Variants in SCMH1 observed in about 807,000 individuals in gnomAD.
The protein encoded by SCMH1 is polycomb protein SCMH1.
A neutral mutation model predicts 70.8 loss-of-function variants in SCMH1; 37 were observed. That is an observed-to-expected ratio of 0.52 (90% CI 0.40 to 0.69). SCMH1 has a LOEUF of 0.69. SCMH1 is among the 30% of genes least tolerant of loss of function. The pLI is 0.00. For missense variants in SCMH1, 607 were observed against 827.3 expected (o/e 0.73, Z 3.27); for synonymous variants, 292 against 307.4 (o/e 0.95, Z 0.52).
Position 41,141,374 on chromosome 1 carries a change from G to C in SCMH1, c.412+1504C>G, listed in dbSNP as rs891836278. On this transcript the variant is annotated intron_variant, in intron 6 of 14. Coordinates refer to ENST00000337495, the Ensembl canonical transcript of SCMH1. ...TAACAGAGAATGTATGATCTGTAAA[G>C]CCTAAAATATTCACTATCAGATCTG... Among the ~76,000 whole-genome samples the C allele has an allele frequency of 3.5e-4, 54 of 152,178 alleles. 1 individual carries two copies. The highest frequency in any genetic ancestry group is 2.9e-5 in the Non-Finnish European group (2 of 68,016).
At chr1:41,029,450 G>A (rs140439645) in intron 13 of SCMH1, among the ~76,000 whole-genome samples, 6 of 152,104 alleles carry the variant, frequency 3.9e-5, no homozygotes, top group South Asian at 4.1e-4. Context: ...TCTGCCTGCC[G>A]TGGCCTCCCA....
At chr1:41,139,591 C>T (rs1237639325) in intron 6 of SCMH1, among the ~76,000 whole-genome samples, 4 of 151,984 alleles carry the variant, frequency 2.6e-5, no homozygotes, top group Non-Finnish European at 5.9e-5. Context: ...TAAAGTAGTG[C>T]AAGAATAACA....
chr1:41,045,782 C>A (rs1646822664), intron 12 of SCMH1: 1 of 152,114 alleles, frequency 6.6e-6, no homozygotes, highest in Admixed American at 6.5e-5. Context: ...ATGAGAGACG[C>A]AGAGTTCCAT....
At chr1:41,193,474 T>C (rs568605752) in intron 1 of SCMH1, among the ~76,000 whole-genome samples, 2 of 151,846 alleles carry the variant, frequency 1.3e-5, no homozygotes, top group African/African-American at 4.8e-5. Context: ...AGATTTGCTA[T>C]AAAAAGTGCT....
chr1:41,111,672 T>C (rs1243839761), intron 8 of SCMH1, among the ~76,000 whole-genome samples: 1 of 152,160 alleles, frequency 6.6e-6, no homozygotes, highest in Admixed American at 6.5e-5. Context: ...AGGCAATGCA[T>C]TCTAGTCACA....
At chr1:41,144,403 C>T (rs1644368660) in intron 5 of SCMH1, among the ~76,000 whole-genome samples, 1 of 152,168 alleles carries the variant, frequency 6.6e-6, no homozygotes, top group South Asian at 2.1e-4. Flanking sequence ...AAAATGGATT[C>T]AAGGTTCACC....
intron 12 of SCMH1, among the ~76,000 whole-genome samples, chr1:41,038,473 A>G (rs965933963): frequency 2.6e-5 from 4 of 152,180 alleles, no homozygotes; most frequent in South Asian, 4.1e-4. Flanking sequence ...TGTTTAGGTA[A>G]TGCTTGGGAT....
At chr1:41,131,229 A>C (rs539513540) in intron 6 of SCMH1, among the ~76,000 whole-genome samples, 81 of 152,198 alleles carry the variant, frequency 5.3e-4, no homozygotes, top group Non-Finnish European at 6.3e-4. Flanking sequence ...TGTACTCTTA[A>C]TTCTAATTCA....
intron 1 of SCMH1, among the ~76,000 whole-genome samples, chr1:41,189,419 G>A (rs1228666750): frequency 6.6e-6 from 1 of 152,188 alleles, no homozygotes; most frequent in Non-Finnish European, 1.5e-5. Context: ...CCAAAGTGAT[G>A]GGATTACAAG....
At chr1:41,213,424 G>A (rs1657459058) in intron 1 of SCMH1, among the ~76,000 whole-genome samples, 1 of 152,100 alleles carries the variant, frequency 6.6e-6, no homozygotes, top group South Asian at 2.1e-4. Context: ...AACAACAGAA[G>A]CAGGAAGGTA....
intron 8 of SCMH1, among the ~76,000 whole-genome samples, chr1:41,103,607 C>T (rs930364029): frequency 6.6e-5 from 10 of 152,184 alleles, no homozygotes; most frequent in African/African-American, 2.2e-4. Flanking sequence ...TATATGGGTT[C>T]TATGTATTCC....
At chr1:41,158,117 CA>C (rs1281446093) in intron 4 of SCMH1, among the ~76,000 whole-genome samples, 2 of 152,186 alleles carry the variant, frequency 1.3e-5, no homozygotes, top group Non-Finnish European at 2.9e-5. Context: ...AAAACCACAT[CA>C]CCTGAGGACC....
At chr1:41,063,696 C>A (rs1187260921) in intron 10 of SCMH1, among the ~76,000 whole-genome samples, 3 of 152,100 alleles carry the variant, frequency 2.0e-5, no homozygotes, top group Non-Finnish European at 4.4e-5. Flanking sequence ...ATACTATGAA[C>A]AACTCTATGT....
chr1:41,065,243 G>A (rs1654187535), intron 10 of SCMH1, among the ~76,000 whole-genome samples: 1 of 152,090 alleles, frequency 6.6e-6, no homozygotes, highest in East Asian at 1.9e-4. Flanking sequence ...AGCACTTTGG[G>A]AGATCAAGGT....
At chr1:41,200,169 T>C (rs2148716857) in intron 1 of SCMH1, among the ~76,000 whole-genome samples, 1 of 152,282 alleles carries the variant, frequency 6.6e-6, no homozygotes, top group East Asian at 1.9e-4. Flanking sequence ...CCTGGAAACC[T>C]CACAATTCTA....
chr1:41,159,779 T>C, intron 4 of SCMH1: 1 of 1,506,392 alleles, frequency 6.6e-7, no homozygotes, highest in Non-Finnish European at 8.9e-7. Context: ...AATGCTTCAC[T>C]TCAAAGAATG....
At chr1:41,042,375 A>G (rs1646299386) in intron 12 of SCMH1, among the ~76,000 whole-genome samples, 2 of 151,908 alleles carry the variant, frequency 1.3e-5, no homozygotes, top group Non-Finnish European at 2.9e-5. Flanking sequence ...CAGCCTCCCA[A>G]GTAGCTGGGA....
At chr1:41,186,813 A>G in intron 1 of SCMH1, among the ~76,000 whole-genome samples, 1 of 152,190 alleles carries the variant, frequency 6.6e-6, no homozygotes, top group Non-Finnish European at 1.5e-5. Context: ...GTCATCTATA[A>G]GCTAAGGAGA....
intron 1 of SCMH1, among the ~76,000 whole-genome samples, chr1:41,197,348 A>G (rs1233673148): frequency 6.6e-6 from 1 of 152,190 alleles, no homozygotes; most frequent in East Asian, 1.9e-4. Flanking sequence ...CATACAATGG[A>G]AAACTCAGCC....
Sources: allele counts gnomAD v4.1 joint callset (sites outside exome capture counted in the v4.1 genomes callset), GRCh38; gene constraint gnomAD v4.1.1; transcripts MANE v1.5; gene names NCBI Gene and HGNC (gene_info 2026-07-23, HGNC 2026-07-21).